Variants in TANGO6 observed in about 807,000 individuals in gnomAD.
TANGO6 encodes transport and golgi organization 6 homolog.
TANGO6 carries 90 observed loss-of-function variants against 114.2 expected under a neutral mutation model. That is an observed-to-expected ratio of 0.79 (90% CI 0.66 to 0.94). TANGO6 has a LOEUF of 0.94. TANGO6 is among the 40% of genes least tolerant of loss of function. The pLI is 0.00. For missense variants in TANGO6, 1,274 were observed against 1,315.3 expected, an observed-to-expected ratio of 0.97 and a Z score of 0.49; for synonymous variants, 477 against 509.8, an observed-to-expected ratio of 0.94 and a Z score of 0.87.
intron 7 of TANGO6, among the ~76,000 whole-genome samples, chr16:68,893,159 G>A (rs561521328): frequency 2.6e-5 from 4 of 152,172 alleles, no homozygotes; most frequent in South Asian, 2.1e-4. Flanking sequence ...CTAGTCTCAC[G>A]TCTTAATGAT....
intron 12 of TANGO6, among the ~76,000 whole-genome samples, chr16:68,924,179 A>G (rs964446036): frequency 6.8e-6 from 1 of 146,572 alleles, no homozygotes; most frequent in Non-Finnish European, 1.5e-5. Flanking sequence ...TAAGCTGACT[A>G]GTTCTCTCTA....
intron 14 of TANGO6, among the ~76,000 whole-genome samples, chr16:68,931,957 C>T (rs952929725): frequency 2.0e-5 from 3 of 151,982 alleles, no homozygotes; most frequent in Non-Finnish European, 2.9e-5. Flanking sequence ...CGGGTTCAAG[C>T]GATTCTTGTG....
At chr16:68,879,721 A>G (rs1306231391) in intron 6 of TANGO6, among the ~76,000 whole-genome samples, 3 of 148,576 alleles carry the variant, frequency 2.0e-5, no homozygotes, top group Non-Finnish European at 4.4e-5. Context: ...GGTTCATGCC[A>G]TTCTCCTGCC....
intron 17 of TANGO6, among the ~76,000 whole-genome samples, chr16:69,041,478 A>G (rs1211376853): frequency 6.6e-6 from 1 of 151,972 alleles, no homozygotes; most frequent in East Asian, 1.9e-4. Flanking sequence ...GTTTTATCAC[A>G]CACACACATA....
intron 1 of TANGO6, among the ~76,000 whole-genome samples, chr16:68,850,250 G>T (rs1961880090): frequency 6.6e-6 from 1 of 152,070 alleles, no homozygotes. Context: ...GGGATTACAG[G>T]TGTGAGCCAC....
chr16:69,050,416 G>A (rs1054416622), intron 17 of TANGO6, among the ~76,000 whole-genome samples: 7 of 151,768 alleles, frequency 4.6e-5, no homozygotes, highest in African/African-American at 1.2e-4. Flanking sequence ...ATCATGGCTC[G>A]GTGCAGCCTC....
chr16:68,906,655 T>C (rs1962853201), intron 9 of TANGO6, among the ~76,000 whole-genome samples: 1 of 152,088 alleles, frequency 6.6e-6, no homozygotes, highest in South Asian at 2.1e-4. Flanking sequence ...GTGACCATAA[T>C]GTACTACAAC....
At position 69,011,985 on chromosome 16, in the gene TANGO6, C is replaced by T. The variant is rs373710835; in HGVS notation, c.2843-10843C>T. Among the ~76,000 whole-genome samples the T allele has an allele frequency of 9.9e-5, 15 of 152,194 alleles. No homozygotes were observed. The East Asian group carries it at 1.7e-3, about 18-fold the overall frequency. On this transcript the variant is annotated intron_variant, in intron 15 of 17. Coordinates refer to ENST00000261778, the MANE Select transcript of TANGO6 (RefSeq NM_024562.2). The stretch of plus-strand genomic sequence containing the variant: ...TCAGCTCTCTCACTTGATTGTTCAC[C>T]TTCCAAAGCAACTCATTTTTGTCAA...
At chr16:68,858,193 G>A (rs9931399) in intron 1 of TANGO6, among the ~76,000 whole-genome samples, 86,935 of 151,528 alleles carry the variant, frequency 0.57, 25,008 homozygotes, top group East Asian at 0.69. Context: ...CCTCCTGAGT[G>A]GCTGGAATTA....
At chr16:68,856,621 A>T (rs578154373) in intron 1 of TANGO6, among the ~76,000 whole-genome samples, 1 of 152,314 alleles carries the variant, frequency 6.6e-6, no homozygotes, top group South Asian at 2.1e-4. Context: ...TAGTTTCCCC[A>T]TTAACATCTT....
At chr16:69,025,962 G>A (rs1959494639) in intron 16 of TANGO6, 1 of 194,146 alleles carries the variant, frequency 5.2e-6, no homozygotes, top group Non-Finnish European at 1.1e-5. Flanking sequence ...TCACAAATGA[G>A]CTATGCAATT....
chr16:69,027,504 T>C (rs1959522206), intron 16 of TANGO6, among the ~76,000 whole-genome samples: 1 of 152,132 alleles, frequency 6.6e-6, no homozygotes, highest in African/African-American at 2.4e-5. Context: ...CTAATATATG[T>C]GAACCGTTAG....
intron 14 of TANGO6, among the ~76,000 whole-genome samples, chr16:68,953,756 C>A (rs1963497650): frequency 1.1e-4 from 16 of 152,192 alleles, no homozygotes; most frequent in Admixed American, 1.0e-3. Context: ...GGTCGTGAAA[C>A]CCGCCTTTGT....
In TANGO6 at chr16:69,072,122, CGTGTGT is replaced by C. The variant is rs10687062; in HGVS notation, c.3109-11336_3109-11331del. ...TGTATGTGTGAAGAGAGAGGGAGACCGTGTGTGTGTGTGTGTGTGTGTGTGTGTGTG... is the reference window on the plus strand; with the variant it reads ...TGTATGTGTGAAGAGAGAGGGAGACCGTGTGTGTGTGTGTGTGTGTGTGTG... On this transcript the variant is annotated intron_variant, in intron 17 of 17. Transcript: ENST00000261778. Among the ~76,000 whole-genome samples the C allele has an allele frequency of 3.9e-4, 45 of 116,614 alleles. 1 individual carries two copies. The highest frequency in any genetic ancestry group is 2.5e-3 in the Admixed American group (29 of 11,502). The allele number at this position is 116,614 out of a possible 152,430, so 76.5% of individuals were successfully genotyped here. A position where few individuals can be genotyped will look rare whatever the true frequency, so the allele number is the denominator to read the frequency against.
intron 4 of TANGO6, among the ~76,000 whole-genome samples, chr16:68,872,061 C>T (rs189767942): frequency 6.6e-6 from 1 of 151,996 alleles, no homozygotes; most frequent in East Asian, 2.0e-4. Flanking sequence ...GAAAGCCTGC[C>T]TCTACTAAAA....
chr16:68,940,344 C>A (rs1275858596), intron 14 of TANGO6, among the ~76,000 whole-genome samples: 3 of 152,008 alleles, frequency 2.0e-5, no homozygotes, highest in African/African-American at 7.3e-5. Flanking sequence ...AGCCACCAAG[C>A]CTAGTCCTAA....
At chr16:68,988,992 A>C (rs912087901) in intron 15 of TANGO6, among the ~76,000 whole-genome samples, 1 of 151,936 alleles carries the variant, frequency 6.6e-6, no homozygotes, top group African/African-American at 2.4e-5. Context: ...CAGTTTCCCA[A>C]GTATGGGACT....
At chr16:69,043,478 C>A (rs1959805854) in intron 17 of TANGO6, among the ~76,000 whole-genome samples, 1 of 152,108 alleles carries the variant, frequency 6.6e-6, no homozygotes, top group South Asian at 2.1e-4. Context: ...ACTTTCAAAA[C>A]CCATGTGAAT....
intron 1 of TANGO6, 48 bp from the exon 2 acceptor site, chr16:68,859,836 A>G (rs1962060851): frequency 6.6e-7 from 1 of 1,504,554 alleles, no homozygotes; most frequent in African/African-American, 1.4e-5. Flanking sequence ...GGGGAAGTGC[A>G]GCTTGTTTTC....
Sources: gnomAD v4.1 joint callset for allele counts (sites outside exome capture counted in the v4.1 genomes callset) on GRCh38, gnomAD v4.1.1 for gene constraint, MANE v1.5 for transcripts, NCBI Gene and HGNC (gene_info 2026-07-23, HGNC 2026-07-21) for gene names.